The following KPNB1 variants were observed in gnomAD, a reference collection of about 807,000 sequenced individuals.
The protein encoded by KPNB1 is karyopherin subunit beta 1.
Under a neutral mutation model 113.0 loss-of-function variants are expected in KPNB1, and 7 were observed. That is an observed-to-expected ratio of 0.06 (90% CI 0.04 to 0.12). The LOEUF is 0.12. Ranked by LOEUF, KPNB1 falls within the 10% of genes least tolerant of loss-of-function variation. KPNB1 has a pLI of 1.00. For missense variants in KPNB1, 400 were observed against 1,054.8 expected (o/e 0.38, Z 8.60); for synonymous variants, 363 against 378.6 (o/e 0.96, Z 0.48).
At position 47,668,281 on chromosome 17, in the gene KPNB1, A is replaced by G. The variant is rs967023896; in HGVS notation, c.1095A>G (p.Pro365=). 1 of 1,614,046 alleles carries G rather than the reference A, an allele frequency of 6.2e-7. No individual in the cohort carries two copies. The highest frequency in any genetic ancestry group is 1.3e-5 in the African/African-American group (1 of 74,924). ...LATCCEDDIV[P]HVLPFIKEHI... Reference sequence around the variant, plus strand: ...CCTGCTGTGAAGATGACATTGTCCCACATGTCCTCCCCTTCATTAAAGAAC... The same window carrying G: ...CCTGCTGTGAAGATGACATTGTCCCGCATGTCCTCCCCTTCATTAAAGAAC... Residue 365 remains proline, a synonymous_variant, in exon 10 of 22, where the codon CCA becomes CCG. Transcript: ENST00000290158.
intron 20 of KPNB1, 23 bp downstream of exon 20, chr17:47,680,157 G>C: frequency 6.9e-7 from 1 of 1,439,954 alleles, no homozygotes; most frequent in Non-Finnish European, 9.8e-7. Context: ...CTGCTTCTAA[G>C]AGCTGAATAG....
chr17:47,656,198 G>C (rs891137278), intron 3 of KPNB1, among the ~76,000 whole-genome samples: 1 of 152,024 alleles, frequency 6.6e-6, no homozygotes, highest in Non-Finnish European at 1.5e-5. Context: ...GGCGGAGGTT[G>C]CAGTGAGCCG....
chr17:47,667,487 A>C (rs2030324567), intron 9 of KPNB1, among the ~76,000 whole-genome samples: 1 of 148,856 alleles, frequency 6.7e-6, no homozygotes, highest in African/African-American at 2.5e-5. Flanking sequence ...AAACTCCCTT[A>C]CTTTCCTGGT....
chr17:47,681,865 C>T (rs933714862), intron 21 of KPNB1, among the ~76,000 whole-genome samples: 1 of 151,882 alleles, frequency 6.6e-6, no homozygotes, highest in African/African-American at 2.4e-5. Flanking sequence ...ACAGAGTCTC[C>T]TCTGTCACCC....
chr17:47,651,037 T>TTTTC (rs768359980), intron 2 of KPNB1, among the ~76,000 whole-genome samples: 2 of 152,038 alleles, frequency 1.3e-5, no homozygotes, highest in Non-Finnish European at 2.9e-5. Flanking sequence ...GGTTTTTTCT[T>TTTTC]TTTCTTTCTT....
chr17:47,674,879 C>G, intron 15 of KPNB1, 97 bp downstream of exon 15: 1 of 1,268,760 alleles, frequency 7.9e-7, no homozygotes, highest in Non-Finnish European at 1.1e-6. Context: ...TGCAGTGGCA[C>G]GATCTTGGCG....
Position 47,656,843 on chromosome 17 carries a change from CT to C in KPNB1, c.283-8del, listed in dbSNP as rs68149542. Reference sequence around the variant, plus strand: ...AGTGTTAGAAATTTGTATCTTTTGTCTTTTTTTTTGGTGCAGGTTTTGCAGA... The same window carrying C: ...AGTGTTAGAAATTTGTATCTTTTGTCTTTTTTTTGGTGCAGGTTTTGCAGA... On this transcript the variant is annotated splice_polypyrimidine_tract_variant and intron_variant, in intron 3 of 21. Transcript: ENST00000290158. The C allele has an allele frequency of 8.5e-5, 136 of 1,595,634 alleles. No individual in the cohort carries two copies. Among genetic ancestry groups the C allele is most frequent in the African/African-American group, 4.3e-4 (32 of 74,114 alleles).
At chr17:47,677,219 T>C in intron 17 of KPNB1, 92 bp downstream of exon 17, 1 of 1,016,174 alleles carries the variant, frequency 9.8e-7, no homozygotes, top group Non-Finnish European at 1.5e-6. Context: ...CTGGGCGCAG[T>C]GGCCTGTAAT....
At chr17:47,677,494 AAATC>A in intron 17 of KPNB1, among the ~76,000 whole-genome samples, 1 of 151,528 alleles carries the variant, frequency 6.6e-6, no homozygotes, top group African/African-American at 2.4e-5. Context: ...AAAAAAAAAA[AAATC>A]AGTGACAGGG....
At chr17:47,658,917 T>C (rs984443883) in intron 5 of KPNB1, among the ~76,000 whole-genome samples, 1 of 152,112 alleles carries the variant, frequency 6.6e-6, no homozygotes, top group African/African-American at 2.4e-5. Flanking sequence ...GGAATGTTGT[T>C]GGGTTTTTTT....
intron 15 of KPNB1, among the ~76,000 whole-genome samples, chr17:47,675,381 T>G (rs35904302): frequency 0.013 from 1,408 of 107,244 alleles, 89 homozygotes; most frequent in Non-Finnish European, 0.016. Flanking sequence ...TGTTTTTTTT[T>G]TTTGTTTGTT....
chr17:47,682,315 A>G (rs2030809422), intron 21 of KPNB1, 89 bp from the exon 22 acceptor site: 2 of 773,342 alleles, frequency 2.6e-6, no homozygotes, highest in East Asian at 2.4e-5. Flanking sequence ...ATTCAGGCCT[A>G]GGAGCATGTA....
At chr17:47,673,298 A>G (rs2030503602) in intron 13 of KPNB1, 133 bp downstream of exon 13, 3 of 1,014,848 alleles carry the variant, frequency 3.0e-6, no homozygotes, top group Non-Finnish European at 2.9e-6. Flanking sequence ...TAAAGCTTAT[A>G]CAAAAAACAT....
rs761051376 is a variant in KPNB1 at position 47,677,022 on chromosome 17, T to G, written c.1998T>G (p.Val666=). 33 of 1,612,794 alleles carry G rather than the reference T, an allele frequency of 2.0e-5. No homozygotes were observed. The Admixed American group carries it at 4.4e-4, about 21-fold the overall frequency. The change falls in exon 17 of 22, where the codon GTT becomes GTG. Residue 666 remains valine (V), a splice_region_variant and synonymous_variant. Transcript: ENST00000290158. ...ATTATTTCCTTGATTCTTGGCAGGT[T>G]TGTTTGGCAGCTGTGGGCTTAGTGG... ...IGLKNYAEYQ[V]CLAAVGLVGD...
intron 9 of KPNB1, among the ~76,000 whole-genome samples, chr17:47,666,743 T>C (rs968957671): frequency 2.4e-4 from 37 of 151,026 alleles, no homozygotes; most frequent in African/African-American, 7.3e-4. Context: ...CTCAGCCTCC[T>C]GAGTAGCTGG....
intron 9 of KPNB1, among the ~76,000 whole-genome samples, chr17:47,667,873 A>G (rs546235172): frequency 4.6e-5 from 7 of 152,284 alleles, no homozygotes; most frequent in Middle Eastern, 3.4e-3. Flanking sequence ...TGGACTTTAC[A>G]TAACTGGAAT....
At chr17:47,675,540 T>C (rs2143167030) in intron 15 of KPNB1, among the ~76,000 whole-genome samples, 1 of 152,144 alleles carries the variant, frequency 6.6e-6, no homozygotes, top group Non-Finnish European at 1.5e-5. Flanking sequence ...TGTGCCCTGC[T>C]AAAAGTTTCT....
intron 4 of KPNB1, among the ~76,000 whole-genome samples, chr17:47,657,387 G>A (rs2029939814): frequency 6.6e-6 from 1 of 152,180 alleles, no homozygotes; most frequent in Non-Finnish European, 1.5e-5. Flanking sequence ...TACCATGAAT[G>A]TTGTGGCGCA....
chr17:47,662,401 A>G (rs1007929747), intron 6 of KPNB1, among the ~76,000 whole-genome samples: 3 of 152,054 alleles, frequency 2.0e-5, no homozygotes, highest in African/African-American at 7.2e-5. Flanking sequence ...TCTGGGCAAC[A>G]TGGCGAAACT....
Sources: allele counts gnomAD v4.1 joint callset (sites outside exome capture counted in the v4.1 genomes callset), GRCh38; gene constraint gnomAD v4.1.1; transcripts MANE v1.5; gene names NCBI Gene and HGNC (gene_info 2026-07-23, HGNC 2026-07-21).